MCHR2: variants seen among roughly 807,000 people sequenced by gnomAD.
MCHR2 encodes melanin-concentrating hormone receptor 2.
Under a neutral mutation model 24.8 loss-of-function variants are expected in MCHR2, and 15 were observed. The observed-to-expected ratio is 0.60, with a 90% CI of 0.40 to 0.93. The LOEUF (loss-of-function observed/expected upper bound fraction) is 0.93. Among genes scored for constraint, MCHR2 ranks in the 40% least tolerant of loss-of-function variants. The probability of loss-of-function intolerance (pLI) is 0.00; values close to 1 mark genes in which losing one functional copy is unlikely to be tolerated. For synonymous variants in MCHR2, 151 were observed against 147.6 expected (o/e 1.02, Z -0.17); for missense variants, 386 against 408.7 (o/e 0.94, Z 0.48).
At position 99,956,089 on chromosome 6, in the gene MCHR2, C is replaced by A. The variant is rs200046774; in HGVS notation, c.59G>T (p.Trp20Leu). 4 of 1,613,190 alleles carry A rather than the reference C, an allele frequency of 2.5e-6. No individual in the cohort carries two copies. Among genetic ancestry groups the A allele is most frequent in the Non-Finnish European group, 3.4e-6 (4 of 1,179,588 alleles). Residue 20 changes from tryptophan to leucine, a missense_variant, in exon 2 of 6, where the codon TGG (tryptophan) becomes TTG (leucine). Trp to Leu is a moderately conservative substitution (Grantham distance 61, BLOSUM62 -2). Transcript: ENST00000281806. ...NTSAELLNKS[W>L]NKEFAYQTAS... is the part of the protein sequence containing the mutation. Reference sequence around the variant, plus strand: ...AGTTTGATAAGCAAACTCTTTATTCCAGGATTTGTTTAAAAGTTCGGCAGA... The same window carrying A: ...AGTTTGATAAGCAAACTCTTTATTCAAGGATTTGTTTAAAAGTTCGGCAGA...
intron 1 of MCHR2, among the ~76,000 whole-genome samples, chr6:99,966,306 T>C (rs981871433): frequency 2.0e-5 from 3 of 152,196 alleles, no homozygotes; most frequent in Non-Finnish European, 4.4e-5. Context: ...ATGTTTACTA[T>C]CTCCTGTAAA....
intron 2 of MCHR2, among the ~76,000 whole-genome samples, chr6:99,950,339 C>A (rs1444183086): frequency 6.6e-6 from 1 of 152,134 alleles, no homozygotes; most frequent in Non-Finnish European, 1.5e-5. Flanking sequence ...TAAATTATAT[C>A]CCTTTTTAGG....
intron 1 of MCHR2, among the ~76,000 whole-genome samples, chr6:99,972,974 A>G (rs1027766019): frequency 1.3e-5 from 2 of 152,082 alleles, no homozygotes; most frequent in Non-Finnish European, 2.9e-5. Context: ...GGAGAGCTTT[A>G]CTTCCAACTA....
At chr6:99,993,839 G>A (rs1049082424) in intron 1 of MCHR2, 97 bp downstream of exon 1, 25 of 152,048 alleles carry the variant, frequency 1.6e-4, no homozygotes, top group African/African-American at 5.8e-4. Flanking sequence ...GCGACTGGTG[G>A]ACCAGGCGCC....
intron 5 of MCHR2, among the ~76,000 whole-genome samples, chr6:99,923,167 T>A (rs895060395): frequency 6.6e-6 from 1 of 152,140 alleles, no homozygotes; most frequent in Non-Finnish European, 1.5e-5. Flanking sequence ...GGGCTTACTT[T>A]TTTATTTCTT....
intron 1 of MCHR2, among the ~76,000 whole-genome samples, chr6:99,967,708 T>C (rs955239454): frequency 5.3e-5 from 8 of 152,260 alleles, no homozygotes; most frequent in Admixed American, 1.3e-4. Context: ...AATAGCACAA[T>C]TACATTTACC....
chr6:99,955,821 T>A (rs1463135576), intron 2 of MCHR2, 145 bp downstream of exon 2: 8 of 671,234 alleles, frequency 1.2e-5, no homozygotes, highest in Non-Finnish European at 1.8e-5. Flanking sequence ...ATCTGTAGAA[T>A]CTTCATTAAT....
chr6:99,970,662 C>G (rs1167038449), intron 1 of MCHR2, among the ~76,000 whole-genome samples: 2 of 152,120 alleles, frequency 1.3e-5, no homozygotes, highest in Non-Finnish European at 2.9e-5. Flanking sequence ...ATGGTATTGC[C>G]TAGGTTTTCT....
intron 1 of MCHR2, among the ~76,000 whole-genome samples, chr6:99,963,280 TG>T (rs1171551834): frequency 2.6e-5 from 4 of 152,062 alleles, no homozygotes; most frequent in Non-Finnish European, 2.9e-5. Flanking sequence ...CACTGATAGA[TG>T]AATGTGTAAA....
chr6:99,982,722 T>C (rs915966794), intron 1 of MCHR2, among the ~76,000 whole-genome samples: 5 of 152,052 alleles, frequency 3.3e-5, no homozygotes, highest in Non-Finnish European at 7.4e-5. Flanking sequence ...GATGGAGAAG[T>C]GGATTTTTCC....
intron 1 of MCHR2, among the ~76,000 whole-genome samples, chr6:99,963,633 G>T (rs1286082942): frequency 6.6e-6 from 1 of 152,130 alleles, no homozygotes; most frequent in African/African-American, 2.4e-5. Flanking sequence ...TTATCAATTT[G>T]TTTGGGGGTG....
intron 5 of MCHR2, among the ~76,000 whole-genome samples, chr6:99,929,313 T>G (rs989953030): frequency 1.3e-5 from 2 of 151,500 alleles, no homozygotes; most frequent in African/African-American, 4.8e-5. Flanking sequence ...ATGTATATTC[T>G]GTTGATTTGG....
chr6:99,962,675 T>C lies in MCHR2; in HGVS notation c.-27-6501A>G, dbSNP rs149769603. ...GAAAACATAGGGGAAATCTTCATGA[T>C]ATTGGTTTTGACAATGATTTCTTGG... On this transcript the variant is annotated intron_variant, in intron 1 of 5. Transcript: ENST00000281806. 5.3e-3 allele frequency among the ~76,000 whole-genome samples: 803 copies of C among 152,240 alleles called. 7 individuals are homozygous for C. Among genetic ancestry groups the C allele is most frequent in the African/African-American group, 0.019 (776 of 41,542 alleles).
Position 99,992,776 on chromosome 6 carries a change from T to C in MCHR2, c.-28+1160A>G, listed in dbSNP as rs549998926. On this transcript the variant is annotated intron_variant, in intron 1 of 5. Coordinates refer to ENST00000281806, the MANE Select transcript of MCHR2 (RefSeq NM_001040179.2). ...CCTTGTAATTATCTTGTCATAGCCA[T>C]AAGACAGTAAGTGAGGGCATGTCTG... Among the ~76,000 whole-genome samples, 12 of 152,284 alleles carry C rather than the reference T, an allele frequency of 7.9e-5. No individual in the cohort carries two copies. In the East Asian group the frequency reaches 2.3e-3, roughly 29 times the overall value.
At chr6:99,939,872 GTTTT>G (rs34233035) in intron 4 of MCHR2, among the ~76,000 whole-genome samples, 30 of 108,190 alleles carry the variant, frequency 2.8e-4, no homozygotes, top group Middle Eastern at 4.8e-3. Context: ...GATGGCAGGT[GTTTT>G]TTTTTTTTTT....
At chr6:99,980,755 G>A (rs564148171) in intron 1 of MCHR2, among the ~76,000 whole-genome samples, 2 of 152,128 alleles carry the variant, frequency 1.3e-5, no homozygotes, top group Admixed American at 6.5e-5. Context: ...TGTGAGTGAG[G>A]TATTTAATAG....
intron 5 of MCHR2, among the ~76,000 whole-genome samples, chr6:99,922,783 G>T (rs1003225648): frequency 6.6e-6 from 1 of 152,044 alleles, no homozygotes; most frequent in Non-Finnish European, 1.5e-5. Flanking sequence ...AGGCTGTTTT[G>T]GTTACCATAG....
Position 99,943,351 on chromosome 6 carries a change from A to G in MCHR2, c.393-208T>C, listed in dbSNP as rs1252100636. 2.7e-5 allele frequency among the ~76,000 whole-genome samples: 4 copies of G among 150,216 alleles called. No homozygotes were observed. The East Asian group carries it at 7.8e-4, about 29-fold the overall frequency. On this transcript the variant is annotated intron_variant, in intron 3 of 5. Transcript: ENST00000281806. ...TTATTTATTTATTTTTATTATTATT[A>G]TACTTTAAGTTTTAGGGTACATGTG...
chr6:99,987,113 T>G (rs1185818118), intron 1 of MCHR2, among the ~76,000 whole-genome samples: 1 of 151,842 alleles, frequency 6.6e-6, no homozygotes, highest in African/African-American at 2.4e-5. Flanking sequence ...TATTTATTTA[T>G]TTTTTGAGAC....
Sources: allele counts gnomAD v4.1 joint callset (sites outside exome capture counted in the v4.1 genomes callset), GRCh38; gene constraint gnomAD v4.1.1; transcripts MANE v1.5; gene names NCBI Gene and HGNC (gene_info 2026-07-23, HGNC 2026-07-21).